Variants in ANO1 observed in about 807,000 individuals in gnomAD.
The protein encoded by ANO1 is anoctamin-1.
In ANO1, 59 loss-of-function variants were observed where a neutral mutation model predicts 124.0. That is an observed-to-expected ratio of 0.48 (90% CI 0.39 to 0.59). The LOEUF is 0.59. ANO1 is among the 20% of genes least tolerant of loss of function. The probability of loss-of-function intolerance (pLI) is 0.00; values close to 1 mark genes in which losing one functional copy is unlikely to be tolerated. For missense variants in ANO1, 1,059 were observed against 1,328.0 expected, an observed-to-expected ratio of 0.80 and a Z score of 3.15; for synonymous variants, 529 against 532.0, an observed-to-expected ratio of 0.99 and a Z score of 0.08.
chr11:69,993,038 C>T (rs1856185691), intron 1 of ANO1, among the ~76,000 whole-genome samples: 1 of 152,150 alleles, frequency 6.6e-6, no homozygotes, highest in Non-Finnish European at 1.5e-5. Flanking sequence ...GACATTTTGC[C>T]TCCTCTGGGC....
intron 12 of ANO1, 62 bp downstream of exon 12, chr11:70,149,854 C>T (rs1238776595): frequency 3.9e-6 from 6 of 1,558,072 alleles, no homozygotes; most frequent in Middle Eastern, 1.7e-4. Context: ...ACCCCAGGAC[C>T]TCCTTGGGAC....
intron 5 of ANO1, among the ~76,000 whole-genome samples, chr11:70,107,602 T>C (rs911962993): frequency 1.3e-5 from 2 of 151,706 alleles, no homozygotes; most frequent in Non-Finnish European, 2.9e-5. Context: ...CACGTCTGCA[T>C]AGCACGACCA....
intron 1 of ANO1, among the ~76,000 whole-genome samples, chr11:70,029,769 G>A (rs1856969052): frequency 6.6e-6 from 1 of 152,210 alleles, no homozygotes; most frequent in African/African-American, 2.4e-5. Context: ...CCCTCTAGAG[G>A]CCCTGGGGCA....
At chr11:70,134,449 A>G (rs146768642) in intron 11 of ANO1, among the ~76,000 whole-genome samples, 2 of 152,288 alleles carry the variant, frequency 1.3e-5, no homozygotes, top group East Asian at 3.9e-4. Context: ...TCACTGCTCT[A>G]AACCTCAGCT....
upstream of ANO1, among the ~76,000 whole-genome samples, chr11:69,985,252 C>T (rs1554996734): frequency 6.6e-6 from 1 of 151,518 alleles, no homozygotes; most frequent in East Asian, 1.9e-4. Flanking sequence ...CTTCACATAA[C>T]AGGACATTCC....
At position 70,126,190 on chromosome 11, in the gene ANO1, C is replaced by T. The variant is rs778326070; in HGVS notation, c.1092C>T (p.Ile364=). 9 of 1,611,788 alleles carry T rather than the reference C, an allele frequency of 5.6e-6. No individual in the cohort carries two copies. The highest frequency in any genetic ancestry group is 7.6e-6 in the Non-Finnish European group (9 of 1,179,026). ...LYGCATMDEN[I]PSMEMCDQRH... is the part of the protein sequence containing the mutation. ...GATGCGCCACCATGGATGAAAACAT[C>T]CCCAGGTAGGCGGCAGCCCACCCCC... The change falls in exon 10 of 26, where the codon ATC becomes ATT. Residue 364 remains isoleucine, a synonymous_variant. Transcript: ENST00000355303.
intron 1 of ANO1, among the ~76,000 whole-genome samples, chr11:70,012,108 A>G (rs1185791512): frequency 1.3e-5 from 2 of 152,048 alleles, no homozygotes; most frequent in South Asian, 2.1e-4. Context: ...ACATCCACAT[A>G]TCCATTTGTC....
chr11:70,114,369 G>A (rs888270086), intron 7 of ANO1, among the ~76,000 whole-genome samples: 1 of 152,228 alleles, frequency 6.6e-6, no homozygotes, highest in African/African-American at 2.4e-5. Context: ...TGATGTTTAA[G>A]CATTTGGGGA....
At chr11:70,116,562 G>C (rs776426117) in intron 8 of ANO1, 63 bp downstream of exon 8, 58 of 1,525,702 alleles carry the variant, frequency 3.8e-5, no homozygotes, top group Non-Finnish European at 5.2e-5. Flanking sequence ...CTGGGGCGGG[G>C]TGGGCCTGCA....
At chr11:70,061,110 G>A (rs1239695552) in intron 1 of ANO1, among the ~76,000 whole-genome samples, 2 of 152,088 alleles carry the variant, frequency 1.3e-5, no homozygotes, top group Admixed American at 1.3e-4. Flanking sequence ...GAACGTGCAG[G>A]AAGGGTGCAT....
In ANO1 at chr11:70,161,154, C is replaced by A. The variant is rs777407599; in HGVS notation, c.1579-7C>A. On this transcript the variant is annotated splice_region_variant and splice_polypyrimidine_tract_variant and intron_variant, in intron 16 of 25. Coordinates refer to ENST00000355303, the MANE Select transcript of ANO1 (RefSeq NM_018043.7). ...CCCAACCAAGAGTGCCCCTTTCCCC[C>A]CTGCAGATTGCAGTGACGTTTGCCA... 2 of 1,612,594 alleles carry A rather than the reference C, an allele frequency of 1.2e-6. No individual in the cohort carries two copies. Among genetic ancestry groups the A allele is most frequent in the Admixed American group, 1.7e-5 (1 of 59,964 alleles).
chr11:69,993,815 T>C (rs1856203828), intron 1 of ANO1, among the ~76,000 whole-genome samples: 1 of 152,232 alleles, frequency 6.6e-6, no homozygotes, highest in African/African-American at 2.4e-5. Context: ...AGATTCCTTT[T>C]TCTCCCCCAG....
Position 70,110,983 on chromosome 11 carries a change from GC to G in ANO1, c.800-721del, listed in dbSNP as rs1484083111. On this transcript the variant is annotated intron_variant, in intron 6 of 25. Transcript: ENST00000355303. ...GGCCCTGGGGGCCACGTAAAAAGGGGCCCTGCCAGCATTCCACTGCCTCCAG... is the reference window on the plus strand; with the variant it reads ...GGCCCTGGGGGCCACGTAAAAAGGGGCCTGCCAGCATTCCACTGCCTCCAG... 1.6e-5 allele frequency: 6 copies of G among 368,912 alleles called. No individual in the cohort carries two copies. The East Asian group carries it at 3.7e-4, about 22-fold the overall frequency. The allele number at this position is 368,912 out of a possible 1,614,324, so 22.9% of individuals were successfully genotyped here.
intron 7 of ANO1, among the ~76,000 whole-genome samples, chr11:70,112,424 G>T (rs2135411660): frequency 6.6e-6 from 1 of 152,324 alleles, no homozygotes; most frequent in South Asian, 2.1e-4. Context: ...AGGAGACCCA[G>T]ATTCCAGTCC....
At chr11:69,986,702 G>A (rs921069730) in intron 1 of ANO1, among the ~76,000 whole-genome samples, 4 of 152,122 alleles carry the variant, frequency 2.6e-5, no homozygotes, top group Non-Finnish European at 4.4e-5. Flanking sequence ...ACGCTAGGCC[G>A]GAGGGGGAGT....
At chr11:70,178,721 G>A (rs1280100768) in intron 22 of ANO1, among the ~76,000 whole-genome samples, 5 of 152,152 alleles carry the variant, frequency 3.3e-5, no homozygotes, top group Non-Finnish European at 7.4e-5. Flanking sequence ...GTGCCACGAC[G>A]CCTGGCTAAT....
chr11:70,085,783 G>A (rs1477531549), intron 1 of ANO1: 3 of 1,286,880 alleles, frequency 2.3e-6, no homozygotes, highest in Non-Finnish European at 3.1e-6. Context: ...CCCCACTGCA[G>A]TGCTGACTGT....
Position 70,087,759 on chromosome 11 carries a change from A to T in ANO1, c.116A>T (p.Asn39Ile), listed in dbSNP as rs2044441993. ...GYLPSEGTLLNSLSVDPDAEC... is the reference protein window; with the variant it reads ...GYLPSEGTLLISLSVDPDAEC... ...CTTTTCTTCCACCCTTAGCTGCTGA[A>T]CTCCTTATCTGTGGACCCTGATGCC... The change falls in exon 2 of 26, where the codon AAC becomes ATC. Residue 39 changes from asparagine to isoleucine, a missense_variant. Asn to Ile is a moderately radical substitution (Grantham distance 149). Around this residue, in one of 2 missense-constraint regions of ANO1, gnomAD observed 250 missense variants for 233.1 expected, o/e 1.07. Transcript: ENST00000355303. 6.3e-7 allele frequency: 1 copy of T among 1,594,020 alleles called. No individual in the cohort carries two copies. The highest frequency in any genetic ancestry group is 1.7e-5 in the Admixed American group (1 of 58,498).
chr11:70,139,107 G>A (rs1236872324), intron 11 of ANO1, among the ~76,000 whole-genome samples: 2 of 152,156 alleles, frequency 1.3e-5, no homozygotes, highest in African/African-American at 4.8e-5. Flanking sequence ...TTGCTGCAAA[G>A]GCCTTCTTTT....
Sources: gnomAD v4.1 joint callset for allele counts (sites outside exome capture counted in the v4.1 genomes callset) on GRCh38, gnomAD v4.1.1 for gene constraint, gnomAD v4.1.1 regional missense constraint, MANE v1.5 for transcripts, NCBI Gene and HGNC (gene_info 2026-07-23, HGNC 2026-07-21) for gene names.